Variants in ZYG11B observed in about 807,000 individuals in gnomAD.
ZYG11B encodes the protein zyg-11 family member B, cell cycle regulator, also known as protein zyg-11 homolog B.
ZYG11B carries 36 observed loss-of-function variants against 82.4 expected under a neutral mutation model. The ratio of observed to expected loss-of-function variants is 0.44; its 90% CI spans 0.33 to 0.58. The LOEUF (loss-of-function observed/expected upper bound fraction) is 0.58, where lower values mean the gene tolerates loss of function less well. ZYG11B is among the 20% of genes least tolerant of loss of function. The probability of loss-of-function intolerance (pLI) is 0.02; values close to 1 mark genes in which losing one functional copy is unlikely to be tolerated. For synonymous variants in ZYG11B, 303 were observed against 312.8 expected (o/e 0.97, Z 0.33); for missense variants, 552 against 895.6 (o/e 0.62, Z 4.90).
At chr1:52,766,052 AT>A (rs1287522000) in intron 2 of ZYG11B, among the ~76,000 whole-genome samples, 3 of 143,722 alleles carry the variant, frequency 2.1e-5, no homozygotes, top group Admixed American at 6.8e-5. Flanking sequence ...ATTCTTCTTT[AT>A]ATCTTCTCTT....
At chr1:52,757,836 C>G (rs1302692995) in intron 2 of ZYG11B, among the ~76,000 whole-genome samples, 1 of 152,120 alleles carries the variant, frequency 6.6e-6, no homozygotes, top group Non-Finnish European at 1.5e-5. Flanking sequence ...TGAAAATCAA[C>G]TGGGAAGCTC....
intron 1 of ZYG11B, among the ~76,000 whole-genome samples, chr1:52,736,443 T>C (rs1396349924): frequency 2.0e-5 from 3 of 151,742 alleles, no homozygotes; most frequent in Non-Finnish European, 4.4e-5. Flanking sequence ...CAGCTAATTT[T>C]TTTCTTTTTC....
At chr1:52,726,964 G>C (rs892226610) in intron 1 of ZYG11B, among the ~76,000 whole-genome samples, 1 of 150,320 alleles carries the variant, frequency 6.7e-6, no homozygotes, top group Non-Finnish European at 1.5e-5. Context: ...TCCCTTTGTC[G>C]CCCACTCCTT....
At chr1:52,761,791 T>C (rs1644633717) in intron 2 of ZYG11B, among the ~76,000 whole-genome samples, 1 of 152,214 alleles carries the variant, frequency 6.6e-6, no homozygotes, top group South Asian at 2.1e-4. Flanking sequence ...CTAGTTTACA[T>C]TCCCACCAAC....
intron 4 of ZYG11B, 143 bp downstream of exon 4, chr1:52,780,136 C>A: frequency 1.3e-6 from 1 of 785,246 alleles, no homozygotes; most frequent in Non-Finnish European, 2.0e-6. Context: ...CAATCATTAG[C>A]TATAAACGAG....
chr1:52,768,231 T>C (rs1005529984), intron 2 of ZYG11B, among the ~76,000 whole-genome samples: 1 of 152,154 alleles, frequency 6.6e-6, no homozygotes, highest in African/African-American at 2.4e-5. Flanking sequence ...TTTTTGTCTG[T>C]GCCCATTGGT....
intron 2 of ZYG11B, among the ~76,000 whole-genome samples, chr1:52,769,046 T>C (rs1644724025): frequency 6.6e-6 from 1 of 152,234 alleles, no homozygotes; most frequent in Non-Finnish European, 1.5e-5. Flanking sequence ...TTGACATTGA[T>C]ATACCATATA....
rs566672404 is a variant in ZYG11B, at chr1:52,799,972, T to C, written c.1486-1847T>C. Among the ~76,000 whole-genome samples, 45 of 152,202 alleles carry C rather than the reference T, an allele frequency of 3.0e-4. 1 individual carries two copies. Among genetic ancestry groups the C allele is most frequent in the Middle Eastern group, 6.8e-3 (2 of 294 alleles). ...TTTCTTTGGGGTGATAAAAAGGACT[T>C]AATACAGTTATTATGAAGATTAAAT... On this transcript the variant is annotated intron_variant, in intron 8 of 13. Coordinates refer to ENST00000294353, the MANE Select transcript of ZYG11B (RefSeq NM_024646.3).
Position 52,741,298 on chromosome 1 carries a change from C to CA in ZYG11B, c.30+14636dup, listed in dbSNP as rs770092920. On this transcript the variant is annotated intron_variant, in intron 1 of 13. Coordinates refer to ENST00000294353, the MANE Select transcript of ZYG11B (RefSeq NM_024646.3). ...GGGGCAAAAGAGTGAGACTTCGTCT[C>CA]AAAAAAAAAAAAAAAAAAAAAGAAA... Among the ~76,000 whole-genome samples the CA allele has an allele frequency of 5.6e-3, 402 of 71,868 alleles. 12 individuals are homozygous for CA. The highest frequency in any genetic ancestry group is 0.013 in the South Asian group (20 of 1,552). The allele number at this position is 71,868 out of a possible 152,430, so 47.1% of individuals were successfully genotyped here.
Position 52,796,799 on chromosome 1 carries a change from T to A in ZYG11B, c.1485+15T>A. Reference sequence around the variant, plus strand: ...TCATTGTCAGGGTAAGTCTATAATCTCCTCCATTCAGGCCACTAGATATTC... The same window carrying A: ...TCATTGTCAGGGTAAGTCTATAATCACCTCCATTCAGGCCACTAGATATTC... On this transcript the variant is annotated intron_variant, in intron 8 of 13. Transcript: ENST00000294353. 6.7e-7 allele frequency: 1 copy of A among 1,496,984 alleles called. No individual in the cohort carries two copies. The highest frequency in any genetic ancestry group is 8.9e-7 in the Non-Finnish European group (1 of 1,123,578). The allele number at this position is 1,496,984 out of a possible 1,614,324, so 92.7% of individuals were successfully genotyped here. A position where few individuals can be genotyped will look rare whatever the true frequency, so the allele number is the denominator to read the frequency against.
intron 1 of ZYG11B, among the ~76,000 whole-genome samples, chr1:52,727,964 G>C (rs1162162822): frequency 2.0e-5 from 3 of 152,088 alleles, no homozygotes; most frequent in Non-Finnish European, 2.9e-5. Context: ...TTTTAGAAAA[G>C]TAATATACTA....
chr1:52,766,634 T>C (rs940507949), intron 2 of ZYG11B, among the ~76,000 whole-genome samples: 25 of 152,282 alleles, frequency 1.6e-4, no homozygotes, highest in Admixed American at 3.9e-4. Flanking sequence ...CTGTTTTAGT[T>C]TGAGTCACTG....
intron 6 of ZYG11B, among the ~76,000 whole-genome samples, chr1:52,791,052 A>G (rs1214786477): frequency 6.6e-6 from 1 of 151,668 alleles, no homozygotes; most frequent in East Asian, 1.9e-4. Context: ...GCTCACTGCA[A>G]CCTCCTCCTC....
intron 1 of ZYG11B, among the ~76,000 whole-genome samples, chr1:52,747,000 G>A (rs752137639): frequency 8.6e-5 from 13 of 151,056 alleles, no homozygotes; most frequent in Non-Finnish European, 1.6e-4. Flanking sequence ...TCAAGGTCCA[G>A]TTCTGCCACA....
chr1:52,797,515 A>T (rs1645036302), intron 8 of ZYG11B, among the ~76,000 whole-genome samples: 3 of 95,286 alleles, frequency 3.1e-5, no homozygotes, highest in Admixed American at 1.2e-4. Context: ...ATATATATAT[A>T]TATTTTTTTT....
chr1:52,773,303 G>A (rs1309102826), intron 3 of ZYG11B, among the ~76,000 whole-genome samples: 4 of 151,126 alleles, frequency 2.6e-5, no homozygotes, highest in Non-Finnish European at 5.9e-5. Context: ...GTGAAACCCC[G>A]TCTCTACTAA....
At chr1:52,769,482 T>C (rs1166687314) in intron 2 of ZYG11B, among the ~76,000 whole-genome samples, 1 of 152,228 alleles carries the variant, frequency 6.6e-6, no homozygotes, top group Non-Finnish European at 1.5e-5. Context: ...TTTTGTACTT[T>C]ATAGCTGACC....
At chr1:52,803,083 T>TATAC (rs1313322294) in intron 10 of ZYG11B, among the ~76,000 whole-genome samples, 2 of 38,260 alleles carry the variant, frequency 5.2e-5, no homozygotes, top group African/African-American at 9.8e-5. Flanking sequence ...TATATATATA[T>TATAC]ACACATATAT....
intron 1 of ZYG11B, among the ~76,000 whole-genome samples, chr1:52,732,424 C>G (rs182469136): frequency 6.6e-6 from 1 of 152,040 alleles, no homozygotes; most frequent in Non-Finnish European, 1.5e-5. Context: ...TGTATCTCCC[C>G]CTATTATTAG....
Sources: gnomAD v4.1 joint callset for allele counts (sites outside exome capture counted in the v4.1 genomes callset) on GRCh38, gnomAD v4.1.1 for gene constraint, MANE v1.5 for transcripts, NCBI Gene and HGNC (gene_info 2026-07-23, HGNC 2026-07-21) for gene names.